IQCH: variants seen among roughly 807,000 people sequenced by gnomAD.
IQCH encodes the protein IQ motif containing H, also known as IQ domain-containing protein H.
A neutral mutation model predicts 117.0 loss-of-function variants in IQCH; 98 were observed. The ratio of observed to expected loss-of-function variants is 0.84; its 90% CI spans 0.71 to 0.99. IQCH has a LOEUF of 0.99. Ranked by LOEUF, IQCH falls within the 50% of genes least tolerant of loss-of-function variation. The pLI is 0.00. For missense variants in IQCH, 1,102 were observed against 1,243.8 expected, an observed-to-expected ratio of 0.89 and a Z score of 1.72; for synonymous variants, 412 against 448.2, an observed-to-expected ratio of 0.92 and a Z score of 1.02.
intron 15 of IQCH, among the ~76,000 whole-genome samples, chr15:67,420,254 A>T (rs2081697561): frequency 6.6e-6 from 1 of 152,218 alleles, no homozygotes; most frequent in African/African-American, 2.4e-5. Context: ...AGTGCTTTTT[A>T]GATGAAGTAA....
Position 67,500,506 on chromosome 15 carries a change from G to A in IQCH, c.2971-127G>A, listed in dbSNP as rs1692324577. On this transcript the variant is annotated intron_variant, in intron 20 of 20. Coordinates refer to ENST00000335894, the MANE Select transcript of IQCH (RefSeq NM_001031715.3). The surrounding 1 kb of genome is among the most constrained non-coding windows in gnomAD (Gnocchi z 4.4). ...GGTAAGCCATAATCTGTAGACAAATGCCAGTTGGTAGAATACATTCTGAAT... is the reference window on the plus strand; with the variant it reads ...GGTAAGCCATAATCTGTAGACAAATACCAGTTGGTAGAATACATTCTGAAT... 2 of 436,632 alleles carry A rather than the reference G, an allele frequency of 4.6e-6. No homozygotes were observed. The highest frequency in any genetic ancestry group is 8.4e-6 in the Non-Finnish European group (2 of 238,328). 27.0% of individuals were successfully genotyped at this position (436,632 alleles called of 1,614,324 possible).
intron 17 of IQCH, among the ~76,000 whole-genome samples, chr15:67,469,400 CT>C (rs1359260464): frequency 6.6e-6 from 1 of 152,212 alleles, no homozygotes; most frequent in Non-Finnish European, 1.5e-5. Flanking sequence ...TTGCGGATGG[CT>C]GAAGGAAGGG....
Position 67,284,151 on chromosome 15 carries a change from AT to A in IQCH, c.387+4645del, listed in dbSNP as rs1437914295. ...ATACTAGTTCTTATTCATTCTTTCT[AT>A]TTTTTGTACCCATTAACCATCCCCA... On this transcript the variant is annotated intron_variant, in intron 4 of 20. Transcript: ENST00000335894. Among the ~76,000 whole-genome samples the A allele has an allele frequency of 2.0e-5, 3 of 152,030 alleles. No homozygotes were observed. In the East Asian group the frequency reaches 5.8e-4, roughly 29 times the overall value.
rs1305177363 is a variant in IQCH at position 67,401,966 on chromosome 15, A to G, written c.2097+1661A>G. On this transcript the variant is annotated intron_variant, in intron 14 of 20. Transcript: ENST00000335894. This position sits in a 1 kb window ranked among gnomAD's most constrained non-coding sequence, Gnocchi z 4.7. ...ACATTGAAGTGTTAATGTGCAAAGTATTTGTTGGCTTCAGTATTTCAAACC... is the reference window on the plus strand; with the variant it reads ...ACATTGAAGTGTTAATGTGCAAAGTGTTTGTTGGCTTCAGTATTTCAAACC... 6.6e-6 allele frequency among the ~76,000 whole-genome samples: 1 copy of G among 152,174 alleles called. No individual in the cohort carries two copies. The highest frequency in any genetic ancestry group is 2.4e-5 in the African/African-American group (1 of 41,450).
chr15:67,493,462 C>T lies in IQCH; in HGVS notation c.2862-796C>T, dbSNP rs902172074. ...GTTCAGGTTTATAAAGACGGCTGTTCATGAACAGGGCACATTCTCCTCTGA... is the reference window on the plus strand; with the variant it reads ...GTTCAGGTTTATAAAGACGGCTGTTTATGAACAGGGCACATTCTCCTCTGA... On this transcript the variant is annotated intron_variant, in intron 19 of 20. Coordinates refer to ENST00000335894, the MANE Select transcript of IQCH (RefSeq NM_001031715.3). The surrounding 1 kb of genome is among the most constrained non-coding windows in gnomAD (Gnocchi z 5.1). Among the ~76,000 whole-genome samples, 1 of 152,136 alleles carries T rather than the reference C, an allele frequency of 6.6e-6. No homozygotes were observed. The highest frequency in any genetic ancestry group is 1.5e-5 in the Non-Finnish European group (1 of 68,020).
Position 67,453,958 on chromosome 15 carries a change from G to T in IQCH, c.2506-11169G>T, listed in dbSNP as rs548971883. On this transcript the variant is annotated intron_variant, in intron 16 of 20. Transcript: ENST00000335894. This position sits in a 1 kb window ranked among gnomAD's most constrained non-coding sequence, Gnocchi z 5.8. Reference sequence around the variant, plus strand: ...GCACCCCTCCCCCAGCCTCGCTGCCGCCTTGCAGTTCGATCTGGGACTGCT... The same window carrying T: ...GCACCCCTCCCCCAGCCTCGCTGCCTCCTTGCAGTTCGATCTGGGACTGCT... Among the ~76,000 whole-genome samples, 2 of 152,194 alleles carry T rather than the reference G, an allele frequency of 1.3e-5. No individual in the cohort carries two copies. The highest frequency in any genetic ancestry group is 2.9e-5 in the Non-Finnish European group (2 of 68,028).
In IQCH at chr15:67,280,232, A is replaced by T. The variant is rs556630083; in HGVS notation, c.387+720A>T. Reference sequence around the variant, plus strand: ...AAGAGCTTTCTTCAGAAGAAAATAAATCAAGACATAATACCTTCACATTTT... The same window carrying T: ...AAGAGCTTTCTTCAGAAGAAAATAATTCAAGACATAATACCTTCACATTTT... On this transcript the variant is annotated intron_variant, in intron 4 of 20. Transcript: ENST00000335894. 2.6e-5 allele frequency among the ~76,000 whole-genome samples: 4 copies of T among 152,322 alleles called. No homozygotes were observed. The East Asian group carries it at 5.8e-4, about 22-fold the overall frequency.
Position 67,500,830 on chromosome 15 carries a change from G to T in IQCH, c.*84G>T. 1 of 650,878 alleles carries T rather than the reference G, an allele frequency of 1.5e-6. No individual in the cohort carries two copies. The highest frequency in any genetic ancestry group is 2.4e-5 in the South Asian group (1 of 41,920). 40.3% of individuals were successfully genotyped at this position (650,878 alleles called of 1,614,324 possible). On this transcript the variant is annotated 3_prime_UTR_variant, in exon 21 of 21. Transcript: ENST00000335894. The surrounding 1 kb of genome is among the most constrained non-coding windows in gnomAD (Gnocchi z 4.4). ...TTTTTCTGTTAGAAATAAAAGCCAG[G>T]GGAAATTGGTTTGCTTTGTGTGCTA... is the stretch of plus-strand genomic sequence containing the variant.
chr15:67,280,461 G>C (rs1319256227), intron 4 of IQCH, among the ~76,000 whole-genome samples: 1 of 152,242 alleles, frequency 6.6e-6, no homozygotes, highest in Non-Finnish European at 1.5e-5. Flanking sequence ...GGCAGATCCG[G>C]TGTCTGGTGA....
chr15:67,270,965 C>G (rs546872241), intron 3 of IQCH, among the ~76,000 whole-genome samples: 71 of 152,150 alleles, frequency 4.7e-4, no homozygotes, highest in African/African-American at 1.6e-3. Flanking sequence ...TTATATCATC[C>G]TTGTATCCCT....
intron 4 of IQCH, among the ~76,000 whole-genome samples, chr15:67,294,296 T>C (rs2140510634): frequency 6.6e-6 from 1 of 152,306 alleles, no homozygotes; most frequent in East Asian, 1.9e-4. Flanking sequence ...GATGCCATGG[T>C]TGTGGCAGAA....
chr15:67,267,270 T>A (rs771485397), intron 3 of IQCH, among the ~76,000 whole-genome samples: 4 of 152,236 alleles, frequency 2.6e-5, no homozygotes, highest in Non-Finnish European at 4.4e-5. Context: ...GGGATGTGGG[T>A]ACTCTATTTG....
chr15:67,377,504 A>G (rs2140807379), intron 10 of IQCH, among the ~76,000 whole-genome samples: 1 of 152,348 alleles, frequency 6.6e-6, no homozygotes. Context: ...CAGATGTCTA[A>G]ATAAAACCTA....
chr15:67,430,699 T>C lies in IQCH; in HGVS notation c.2505+9122T>C, dbSNP rs2082000986. On this transcript the variant is annotated intron_variant, in intron 16 of 20. Transcript: ENST00000335894. This position sits in a 1 kb window ranked among gnomAD's most constrained non-coding sequence, Gnocchi z 5.1. The stretch of plus-strand genomic sequence containing the variant: ...ATGATCCAGATCTTTTGTAGTTAAT[T>C]ACTCACTTTGGGGAAACTCTAAAAA... Among the ~76,000 whole-genome samples the C allele has an allele frequency of 6.6e-6, 1 of 152,204 alleles. No individual in the cohort carries two copies. The highest frequency in any genetic ancestry group is 1.5e-5 in the Non-Finnish European group (1 of 68,034).
chr15:67,374,850 T>G (rs563892836), intron 10 of IQCH, among the ~76,000 whole-genome samples: 20 of 152,210 alleles, frequency 1.3e-4, no homozygotes, highest in Non-Finnish European at 2.4e-4. Context: ...GTCCTTCGAA[T>G]AAGGTGCAGG....
chr15:67,378,545 C>A (rs960528660), intron 10 of IQCH, among the ~76,000 whole-genome samples: 1 of 150,880 alleles, frequency 6.6e-6, no homozygotes, highest in African/African-American at 2.4e-5. Context: ...GAACAAAGTA[C>A]ACTTAAACTT....
At position 67,395,379 on chromosome 15, in the gene IQCH, A is replaced by G; in HGVS notation, c.1721A>G (p.Tyr574Cys). 6.2e-7 allele frequency: 1 copy of G among 1,614,108 alleles called. No homozygotes were observed. Among genetic ancestry groups the G allele is most frequent in the Non-Finnish European group, 8.5e-7 (1 of 1,179,990 alleles). ...AATCTCATCCGAGGAACAGAGGCCT[A>G]CATCGTCAGCGGGCTCCTCCACAGA... ...IKNLIRGTEA[Y>C]IVSGLLHRDD... is the part of the protein sequence containing the mutation. The change falls in exon 13 of 21, where the codon TAC becomes TGC. Residue 574 changes from tyrosine to cysteine, a missense_variant. By Grantham distance (194) the Tyr-to-Cys change is radical (BLOSUM62 -2). Around this residue, in one of 2 missense-constraint regions of IQCH, gnomAD observed 650 missense variants for 794.3 expected, o/e 0.82. Transcript: ENST00000335894. This position sits in a 1 kb window ranked among gnomAD's most constrained non-coding sequence, Gnocchi z 4.0.
chr15:67,265,960 A>G (rs558851542), intron 3 of IQCH, among the ~76,000 whole-genome samples: 2 of 152,288 alleles, frequency 1.3e-5, no homozygotes, highest in South Asian at 2.1e-4. Flanking sequence ...TCATTTACCA[A>G]TGGCACAACT....
At chr15:67,317,654 T>A (rs1220600846) in intron 4 of IQCH, among the ~76,000 whole-genome samples, 2 of 152,178 alleles carry the variant, frequency 1.3e-5, no homozygotes, top group Non-Finnish European at 2.9e-5. Flanking sequence ...TCTTGTTAGA[T>A]CTCCTGGAAG....
Sources: allele counts gnomAD v4.1 joint callset (sites outside exome capture counted in the v4.1 genomes callset), GRCh38; gene constraint gnomAD v4.1.1; regional missense constraint gnomAD v4.1.1; non-coding constraint Gnocchi (gnomAD v3.1); transcripts MANE v1.5; gene names NCBI Gene and HGNC (gene_info 2026-07-23, HGNC 2026-07-21).